DMD: variants seen among roughly 807,000 people sequenced by gnomAD.
The protein encoded by DMD is dystrophin.
In DMD, 63 loss-of-function variants were observed where a neutral mutation model predicts 330.1. That is an observed-to-expected ratio of 0.19 (90% CI 0.16 to 0.24). The LOEUF (loss-of-function observed/expected upper bound fraction) is 0.24. Ranked by LOEUF, DMD falls within the 10% of genes least tolerant of loss-of-function variation. The pLI is 1.00. For missense variants in DMD, 3,344 were observed against 2,684.1 expected, an observed-to-expected ratio of 1.25 and a Z score of -5.43; for synonymous variants, 1,223 against 959.8, an observed-to-expected ratio of 1.27 and a Z score of -5.07.
At chrX:32,439,723 A>G (rs960216282) in intron 28 of DMD, among the ~76,000 whole-genome samples, 2 of 111,257 alleles carry the variant, frequency 1.8e-5, no homozygotes, top group African/African-American at 6.5e-5. Context: ...AAGCATCAGC[A>G]ACACTACCAA....
chrX:32,855,747 C>A (rs891411816), intron 2 of DMD, among the ~76,000 whole-genome samples: 4 of 111,896 alleles, frequency 3.6e-5, no homozygotes, highest in African/African-American at 6.5e-5. Flanking sequence ...CTCCAAGACA[C>A]TGGTCTAGGC....
chrX:31,140,129 A>G (rs764884902), intron 76 of DMD, among the ~76,000 whole-genome samples: 6 of 112,702 alleles, frequency 5.3e-5, no homozygotes, highest in Non-Finnish European at 1.1e-4. Flanking sequence ...CTTCTGAAAT[A>G]TAACGATGGT....
At chrX:32,457,225 G>A (rs966814796) in intron 25 of DMD, among the ~76,000 whole-genome samples, 1 of 110,445 alleles carries the variant, frequency 9.1e-6, no homozygotes, top group Non-Finnish European at 1.9e-5. Context: ...TTAGTAATAC[G>A]AATTCACTGA....
intron 53 of DMD, 78 bp from the exon 54 acceptor site, chrX:31,658,222 C>A: frequency 9.5e-7 from 1 of 1,050,384 alleles, no homozygotes; most frequent in Non-Finnish European, 1.3e-6. Flanking sequence ...TAAAATACTT[C>A]GTAAACAGCT....
At chrX:31,544,731 T>G (rs1374853729) in intron 55 of DMD, among the ~76,000 whole-genome samples, 1 of 111,382 alleles carries the variant, frequency 9.0e-6, no homozygotes, top group Non-Finnish European at 1.9e-5. Context: ...CATGCTTTTA[T>G]GTTGTTGATT....
At chrX:33,288,120 T>C (rs1193571731) in intron 1 of DMD, among the ~76,000 whole-genome samples, 2 of 111,919 alleles carry the variant, frequency 1.8e-5, no homozygotes, top group Admixed American at 1.9e-4. Flanking sequence ...TTTATATAAA[T>C]ATTCTCTTGA....
In DMD at chrX:32,941,530, T is replaced by C. The variant is rs145013823; in HGVS notation, c.93+78609A>G. Among the ~76,000 whole-genome samples the C allele has an allele frequency of 5.3e-3, 591 of 111,477 alleles. 6 individuals carry two copies. The highest frequency in any genetic ancestry group is 9.1e-3 in the Middle Eastern group (2 of 219). On this transcript the variant is annotated intron_variant, in intron 2 of 78. Transcript: ENST00000357033. ...GATGCAGCTGTGATGGAGGCCATTATCCTAGGCGAATTCATGCAGCAACGG... is the reference window on the plus strand; with the variant it reads ...GATGCAGCTGTGATGGAGGCCATTACCCTAGGCGAATTCATGCAGCAACGG...
At chrX:32,422,337 G>A (rs2098193463) in intron 29 of DMD, among the ~76,000 whole-genome samples, 3 of 111,348 alleles carry the variant, frequency 2.7e-5, no homozygotes, top group Admixed American at 9.6e-5. Context: ...AAAATCAGAG[G>A]GAGTCAAAAG....
At chrX:32,916,739 GT>G (rs1414022146) in intron 2 of DMD, among the ~76,000 whole-genome samples, 2 of 111,403 alleles carry the variant, frequency 1.8e-5, no homozygotes, top group Non-Finnish European at 3.8e-5. Flanking sequence ...TGTGATCTTT[GT>G]TTTTTACTGT....
intron 29 of DMD, among the ~76,000 whole-genome samples, chrX:32,418,604 G>C (rs1253674926): frequency 3.6e-5 from 4 of 110,981 alleles, no homozygotes; most frequent in African/African-American, 1.3e-4. Context: ...TTAAATTCCT[G>C]AAGCATAATT....
At chrX:31,580,492 A>G (rs1323820580) in intron 55 of DMD, among the ~76,000 whole-genome samples, 3 of 111,745 alleles carry the variant, frequency 2.7e-5, no homozygotes, top group African/African-American at 9.8e-5. Flanking sequence ...AGAGCAGATA[A>G]ACTACCCAAT....
intron 62 of DMD, among the ~76,000 whole-genome samples, chrX:31,280,625 T>G (rs1449469370): frequency 8.9e-6 from 1 of 112,273 alleles, no homozygotes; most frequent in Non-Finnish European, 1.9e-5. Flanking sequence ...TTTAAAATTT[T>G]TTTAAAAAAG....
At chrX:31,290,669 A>G (rs1391447045) in intron 62 of DMD, among the ~76,000 whole-genome samples, 1 of 111,749 alleles carries the variant, frequency 8.9e-6, no homozygotes, top group Non-Finnish European at 1.9e-5. Context: ...TGATGCCTCT[A>G]TCCTAAGCAT....
chrX:33,079,125 G>A (rs952806009), intron 1 of DMD, among the ~76,000 whole-genome samples: 5 of 111,540 alleles, frequency 4.5e-5, no homozygotes, highest in African/African-American at 1.6e-4. Context: ...CCGCCTCCTA[G>A]GTTCAAGCGA....
rs1365628506 is a variant in DMD at position 33,095,948 on chromosome X, C to T, written c.32-75748G>A. ...TGTCCCTTAAGAGTGCTAAATCAAACACTACTTCTTCCAGAATTTTTTTTT... is the reference window on the plus strand; with the variant it reads ...TGTCCCTTAAGAGTGCTAAATCAAATACTACTTCTTCCAGAATTTTTTTTT... On this transcript the variant is annotated intron_variant, in intron 1 of 78. Coordinates refer to ENST00000357033, the MANE Select transcript of DMD (RefSeq NM_004006.3). 6.7e-5 allele frequency among the ~76,000 whole-genome samples: 7 copies of T among 103,876 alleles called. No individual in the cohort carries two copies. The Admixed American group carries it at 7.6e-4, about 11-fold the overall frequency. The allele number at this position is 103,876 out of a possible 115,157, so 90.2% of individuals were successfully genotyped here.
intron 7 of DMD, among the ~76,000 whole-genome samples, chrX:32,774,546 G>A (rs1476571253): frequency 9.0e-6 from 1 of 111,220 alleles, no homozygotes; most frequent in Admixed American, 9.6e-5. Flanking sequence ...AAATCATGGT[G>A]AAAGGCAAAG....
chrX:33,126,710 G>A (rs775690282), intron 1 of DMD, among the ~76,000 whole-genome samples: 1 of 111,878 alleles, frequency 8.9e-6, no homozygotes, highest in East Asian at 2.8e-4. Flanking sequence ...TCCTTAGTTT[G>A]TACATGCATT....
At chrX:31,284,557 TTTCTTCTTCTTCTTC>T (rs201340042) in intron 62 of DMD, among the ~76,000 whole-genome samples, 6,143 of 78,014 alleles carry the variant, frequency 0.079, 201 homozygotes, top group Non-Finnish European at 0.089. Flanking sequence ...TAACGAACTG[TTTCTTCTTCTTCTTC>T]TTCTTCTTCT....
chrX:31,970,173 T>C lies in DMD; in HGVS notation c.6439-1659A>G, dbSNP rs188483334. 4.5e-5 allele frequency among the ~76,000 whole-genome samples: 5 copies of C among 110,979 alleles called. No individual in the cohort carries two copies. The Admixed American group carries it at 4.8e-4, about 11-fold the overall frequency. On this transcript the variant is annotated intron_variant, in intron 44 of 78. Coordinates refer to ENST00000357033, the MANE Select transcript of DMD (RefSeq NM_004006.3). ...GATGCATGGAAGGTTTCAGTAAGCA[T>C]TTGCTGAGTGAACGCATGAATCTAT...
Sources: allele counts gnomAD v4.1 joint callset (sites outside exome capture counted in the v4.1 genomes callset), GRCh38; gene constraint gnomAD v4.1.1; transcripts MANE v1.5; gene names NCBI Gene and HGNC (gene_info 2026-07-23, HGNC 2026-07-21).